The following ATP6V1H variants were observed in gnomAD, a reference collection of about 807,000 sequenced individuals.
ATP6V1H encodes the protein V-type proton ATPase subunit H.
A neutral mutation model predicts 71.7 loss-of-function variants in ATP6V1H; 39 were observed. The ratio of observed to expected loss-of-function variants is 0.54; its 90% CI spans 0.42 to 0.71. The LOEUF (loss-of-function observed/expected upper bound fraction) is 0.71, where lower values mean the gene tolerates loss of function less well. ATP6V1H is among the 30% of genes least tolerant of loss of function. ATP6V1H has a pLI of 0.00. For synonymous variants in ATP6V1H, 192 were observed against 199.3 expected (o/e 0.96, Z 0.31); for missense variants, 509 against 594.9 (o/e 0.86, Z 1.50).
At chr8:53,839,540 C>T (rs1008629247) in intron 2 of ATP6V1H, 2 of 909,162 alleles carry the variant, frequency 2.2e-6, no homozygotes, top group Non-Finnish European at 2.6e-6. Flanking sequence ...AAGACTCTCT[C>T]AATCTAACCA....
chr8:53,831,259 C>A (rs997622714), intron 3 of ATP6V1H, among the ~76,000 whole-genome samples: 1 of 152,184 alleles, frequency 6.6e-6, no homozygotes, highest in Non-Finnish European at 1.5e-5. Context: ...ATGGTAGTGT[C>A]TACTACATAC....
At chr8:53,842,788 T>G (rs939658721) in intron 1 of ATP6V1H, 2 of 152,320 alleles carry the variant, frequency 1.3e-5, no homozygotes, top group Admixed American at 6.6e-5. Flanking sequence ...GGTATACTTT[T>G]TACCCCTCCC....
chr8:53,760,127 A>C (rs964705322), intron 11 of ATP6V1H, among the ~76,000 whole-genome samples: 11 of 152,216 alleles, frequency 7.2e-5, no homozygotes, highest in African/African-American at 2.4e-4. Context: ...AGGGAACGAC[A>C]GTCTTCCAAC....
At chr8:53,803,725 G>C (rs576327153) in intron 7 of ATP6V1H, among the ~76,000 whole-genome samples, 3 of 152,100 alleles carry the variant, frequency 2.0e-5, no homozygotes, top group East Asian at 3.9e-4. Flanking sequence ...AAAAATTAAA[G>C]ACAGATAAAT....
At chr8:53,728,647 G>A (rs537210113) in intron 13 of ATP6V1H, among the ~76,000 whole-genome samples, 4 of 152,278 alleles carry the variant, frequency 2.6e-5, no homozygotes, top group African/African-American at 9.6e-5. Context: ...GACGGCATTT[G>A]TTAGGTGCTA....
intron 11 of ATP6V1H, among the ~76,000 whole-genome samples, chr8:53,759,766 C>G (rs963474785): frequency 2.0e-5 from 3 of 152,024 alleles, no homozygotes; most frequent in African/African-American, 4.8e-5. Flanking sequence ...AGAATATTTT[C>G]TTACTCAAAA....
intron 9 of ATP6V1H, among the ~76,000 whole-genome samples, chr8:53,774,208 T>C (rs961188005): frequency 3.3e-5 from 5 of 152,244 alleles, no homozygotes; most frequent in African/African-American, 9.6e-5. Context: ...AGGCATAGCA[T>C]TGTCAAGCTG....
At chr8:53,758,067 C>T (rs1380256444) in intron 11 of ATP6V1H, among the ~76,000 whole-genome samples, 1 of 152,146 alleles carries the variant, frequency 6.6e-6, no homozygotes, top group East Asian at 1.9e-4. Context: ...GTTCTCTCTG[C>T]CTTCAAGATG....
intron 11 of ATP6V1H, among the ~76,000 whole-genome samples, chr8:53,768,758 T>C (rs1214519566): frequency 2.0e-5 from 3 of 152,128 alleles, no homozygotes; most frequent in Non-Finnish European, 4.4e-5. Context: ...GGTGGTTACT[T>C]AGGGCTAGGT....
At chr8:53,821,857 G>T (rs1810674471) in intron 4 of ATP6V1H, among the ~76,000 whole-genome samples, 1 of 151,994 alleles carries the variant, frequency 6.6e-6, no homozygotes, top group Admixed American at 6.6e-5. Flanking sequence ...CCTCTCCCAA[G>T]AAAACAACTG....
chr8:53,823,176 C>T (rs767648259), intron 4 of ATP6V1H, among the ~76,000 whole-genome samples: 17 of 151,886 alleles, frequency 1.1e-4, no homozygotes, highest in Non-Finnish European at 2.1e-4. Context: ...CAAACTTATA[C>T]CCCTTAAGAA....
intron 11 of ATP6V1H, among the ~76,000 whole-genome samples, chr8:53,763,985 G>T (rs530939446): frequency 6.6e-6 from 1 of 152,348 alleles, no homozygotes; most frequent in East Asian, 1.9e-4. Flanking sequence ...CTCACCTAAG[G>T]AGAAGTGGAT....
chr8:53,738,433 G>A (rs565227084), intron 13 of ATP6V1H, among the ~76,000 whole-genome samples: 2 of 152,216 alleles, frequency 1.3e-5, no homozygotes, highest in African/African-American at 4.8e-5. Context: ...AAGTTAATTC[G>A]TTTTTCTCTA....
intron 9 of ATP6V1H, among the ~76,000 whole-genome samples, chr8:53,783,848 G>A (rs754752675): frequency 3.9e-4 from 60 of 152,246 alleles, no homozygotes; most frequent in African/African-American, 1.3e-3. Flanking sequence ...GTAGTTGAGC[G>A]GTTCTGAGTG....
chr8:53,724,821 A>G (rs1486076833), intron 13 of ATP6V1H, among the ~76,000 whole-genome samples: 1 of 151,838 alleles, frequency 6.6e-6, no homozygotes, highest in African/African-American at 2.4e-5. Flanking sequence ...CTCTTGAACA[A>G]AAATAACTAT....
rs1811025028 is a variant in ATP6V1H at position 53,832,067 on chromosome 8, A to G, written c.216+917T>C. Reference sequence around the variant, plus strand: ...CGGAACTTTCCATAAATGGGAAATAATAATAAATTAATTATTTTAAATACC... The same window carrying G: ...CGGAACTTTCCATAAATGGGAAATAGTAATAAATTAATTATTTTAAATACC... On this transcript the variant is annotated intron_variant, in intron 3 of 13. Coordinates refer to ENST00000359530, the MANE Select transcript of ATP6V1H (RefSeq NM_015941.4). 2.6e-5 allele frequency: 4 copies of G among 152,198 alleles called. No homozygotes were observed. The South Asian group carries it at 8.3e-4, about 31-fold the overall frequency. 9.4% of individuals were successfully genotyped at this position (152,198 alleles called of 1,614,324 possible).
At chr8:53,721,720 C>T (rs571348832) in intron 13 of ATP6V1H, among the ~76,000 whole-genome samples, 1 of 152,266 alleles carries the variant, frequency 6.6e-6, no homozygotes, top group African/African-American at 2.4e-5. Flanking sequence ...ATTATTCTAC[C>T]TCTCACTGGG....
intron 11 of ATP6V1H, among the ~76,000 whole-genome samples, chr8:53,764,502 G>C (rs942803675): frequency 6.6e-6 from 1 of 151,594 alleles, no homozygotes; most frequent in Non-Finnish European, 1.5e-5. Context: ...AGCAAATTAG[G>C]AATAGAGGGA....
rs371465925 is a variant in ATP6V1H at position 53,839,949 on chromosome 8, A to G, written c.113+1629T>C. ...GGCCCCTGGCTGCCTCTCTAGCCTC[A>G]GCTCTCTGCATTGCCTGCCTCCAAA... On this transcript the variant is annotated intron_variant, in intron 2 of 13. Transcript: ENST00000359530. The G allele has an allele frequency of 2.2e-5, 22 of 983,420 alleles. 1 individual carries two copies. In the East Asian group the frequency reaches 1.7e-3, roughly 76 times the overall value. 60.9% of individuals were successfully genotyped at this position (983,420 alleles called of 1,614,324 possible).
Sources: allele counts gnomAD v4.1 joint callset (sites outside exome capture counted in the v4.1 genomes callset), GRCh38; gene constraint gnomAD v4.1.1; transcripts MANE v1.5; gene names NCBI Gene and HGNC (gene_info 2026-07-23, HGNC 2026-07-21).